IKZF1: variants seen among roughly 807,000 people sequenced by gnomAD.
IKZF1 encodes the protein IKAROS family zinc finger 1.
In IKZF1, 10 loss-of-function variants were observed where a neutral mutation model predicts 51.7. The observed-to-expected ratio is 0.19, with a 90% CI of 0.12 to 0.33. The LOEUF is 0.33. IKZF1 is among the 10% of genes least tolerant of loss of function. The pLI, the probability that IKZF1 is intolerant of heterozygous loss-of-function variation, is 1.00. For synonymous variants in IKZF1, 280 were observed against 282.3 expected (o/e 0.99, Z 0.08); for missense variants, 484 against 707.5 (o/e 0.68, Z 3.58).
intron 3 of IKZF1, among the ~76,000 whole-genome samples, chr7:50,366,720 A>C (rs1807070274): frequency 6.6e-6 from 1 of 152,214 alleles, no homozygotes; most frequent in African/African-American, 2.4e-5. Context: ...ACCCTTTAAA[A>C]CATCTTTGCT....
chr7:50,355,911 T>C (rs1803229197), intron 3 of IKZF1, among the ~76,000 whole-genome samples: 1 of 152,196 alleles, frequency 6.6e-6, no homozygotes, highest in South Asian at 2.1e-4. Flanking sequence ...CCTGTGAAAA[T>C]GCTAGATAAG....
chr7:50,327,965 C>T lies in IKZF1; in HGVS notation c.160+208C>T, dbSNP rs2153385607. The T allele has an allele frequency of 7.1e-6, 4 of 559,604 alleles. No homozygotes were observed. The South Asian group carries it at 7.8e-5, about 11-fold the overall frequency. 34.7% of individuals were successfully genotyped at this position (559,604 alleles called of 1,614,324 possible). A position where few individuals can be genotyped will look rare whatever the true frequency, so the allele number is the denominator to read the frequency against. Reference sequence around the variant, plus strand: ...CACAGGCCAGCATGGCCGTGAGAGCCACACACCCCGCAAAATGTCCAAGTT... The same window carrying T: ...CACAGGCCAGCATGGCCGTGAGAGCTACACACCCCGCAAAATGTCCAAGTT... On this transcript the variant is annotated intron_variant, in intron 3 of 7. Transcript: ENST00000331340.
At chr7:50,313,355 A>C (rs897795490) in intron 1 of IKZF1, among the ~76,000 whole-genome samples, 6 of 152,204 alleles carry the variant, frequency 3.9e-5, no homozygotes, top group Non-Finnish European at 4.4e-5. Context: ...AATAACCCCA[A>C]ATGTAACTCT....
intron 3 of IKZF1, chr7:50,367,796 G>T: frequency 1.8e-6 from 1 of 547,610 alleles, no homozygotes; most frequent in Non-Finnish European, 3.2e-6. Flanking sequence ...AATGCTGTGA[G>T]TTGACACCTG....
At chr7:50,320,976 A>T (rs2153367971) in intron 2 of IKZF1, among the ~76,000 whole-genome samples, 1 of 152,360 alleles carries the variant, frequency 6.6e-6, no homozygotes, top group East Asian at 1.9e-4. Context: ...TATGAAAAGA[A>T]GTCCAAATAC....
chr7:50,317,533 C>T (rs749167083), intron 1 of IKZF1, among the ~76,000 whole-genome samples: 3 of 152,124 alleles, frequency 2.0e-5, no homozygotes, highest in Non-Finnish European at 2.9e-5. Context: ...GTGTGTCTGG[C>T]TTCCGTGTGC....
In IKZF1 at chr7:50,380,098, G is replaced by A. The variant is rs371360810; in HGVS notation, c.422-2442G>A. On this transcript the variant is annotated intron_variant, in intron 4 of 7. Transcript: ENST00000331340. ...CAAGAACACACATGGCGTGGGCTGCGTTCTTGTGCCCCAGCTCCATGGACG... is the reference window on the plus strand; with the variant it reads ...CAAGAACACACATGGCGTGGGCTGCATTCTTGTGCCCCAGCTCCATGGACG... 4.3e-4 allele frequency among the ~76,000 whole-genome samples: 66 copies of A among 152,286 alleles called. 1 individual carries two copies. The South Asian group carries it at 5.4e-3, about 12-fold the overall frequency.
chr7:50,356,512 CTGTG>C (rs373882657), intron 3 of IKZF1, among the ~76,000 whole-genome samples: 54 of 152,158 alleles, frequency 3.5e-4, no homozygotes, highest in African/African-American at 8.9e-4. Context: ...CTGTGTGTGT[CTGTG>C]TGTACATGTG....
At chr7:50,364,654 C>G (rs1584798468) in intron 3 of IKZF1, among the ~76,000 whole-genome samples, 1 of 152,330 alleles carries the variant, frequency 6.6e-6, no homozygotes, top group Middle Eastern at 3.4e-3. Context: ...CAAACCTCTC[C>G]AAGAGAGTGA....
intron 1 of IKZF1, among the ~76,000 whole-genome samples, chr7:50,309,997 T>C (rs1420821989): frequency 1.3e-5 from 2 of 152,218 alleles, no homozygotes; most frequent in East Asian, 3.9e-4. Context: ...TCCTCCTTTG[T>C]GCTGAGTTTT....
chr7:50,352,240 C>G (rs1289982913), intron 3 of IKZF1, among the ~76,000 whole-genome samples: 1 of 152,172 alleles, frequency 6.6e-6, no homozygotes, highest in Non-Finnish European at 1.5e-5. Flanking sequence ...AATAGCTGTA[C>G]CCTAAATGAT....
chr7:50,319,240 GAGTGTTTC>G, intron 2 of IKZF1, 139 bp downstream of exon 2: 2 of 604,486 alleles, frequency 3.3e-6, no homozygotes. Flanking sequence ...GAATTTGCCT[GAGTGTTTC>G]CTTCACCTGT....
intron 3 of IKZF1, among the ~76,000 whole-genome samples, chr7:50,344,477 A>T (rs559055732): frequency 2.6e-5 from 4 of 152,130 alleles, no homozygotes; most frequent in Non-Finnish European, 5.9e-5. Context: ...TTGCCTCTCT[A>T]TTTTTTGTGC....
chr7:50,357,338 C>T (rs1217906359), intron 3 of IKZF1, among the ~76,000 whole-genome samples: 1 of 149,444 alleles, frequency 6.7e-6, no homozygotes, highest in African/African-American at 2.5e-5. Flanking sequence ...GAGCCAGCCA[C>T]CACCCCACCA....
At chr7:50,304,219 G>T (rs1490834394), upstream of IKZF1, 1 of 150,360 alleles carries the variant, frequency 6.7e-6, no homozygotes, top group Non-Finnish European at 1.5e-5. Context: ...CGGAGTTGCG[G>T]CTGAGACGCG....
intron 3 of IKZF1, among the ~76,000 whole-genome samples, chr7:50,335,818 G>A (rs1797638712): frequency 6.6e-6 from 1 of 151,972 alleles, no homozygotes; most frequent in Non-Finnish European, 1.5e-5. Context: ...CCACTGGGGT[G>A]TTTGCTGTGC....
At chr7:50,370,459 A>G (rs191261784) in intron 3 of IKZF1, among the ~76,000 whole-genome samples, 1 of 152,200 alleles carries the variant, frequency 6.6e-6, no homozygotes, top group South Asian at 2.1e-4. Context: ...AGATTCTTCA[A>G]TCCAAACTTG....
intron 2 of IKZF1, among the ~76,000 whole-genome samples, chr7:50,322,997 G>T (rs888808886): frequency 6.6e-6 from 1 of 152,096 alleles, no homozygotes; most frequent in Admixed American, 6.6e-5. Flanking sequence ...AACATAAACT[G>T]TATATATCTA....
At chr7:50,391,920 C>G (rs1479833285) in intron 7 of IKZF1, 57 bp downstream of exon 7, 10 of 1,553,028 alleles carry the variant, frequency 6.4e-6, no homozygotes, top group Non-Finnish European at 8.7e-6. Context: ...GTTTTAGATG[C>G]AAGTAGAAAT....
Sources: gnomAD v4.1 joint callset for allele counts (sites outside exome capture counted in the v4.1 genomes callset) on GRCh38, gnomAD v4.1.1 for gene constraint, MANE v1.5 for transcripts, NCBI Gene and HGNC (gene_info 2026-07-23, HGNC 2026-07-21) for gene names.